GLB1: variants seen among roughly 807,000 people sequenced by gnomAD.
GLB1 encodes the protein beta-galactosidase.
Under a neutral mutation model 74.0 loss-of-function variants are expected in GLB1, and 56 were observed. That is an observed-to-expected ratio of 0.76 (90% CI 0.61 to 0.94). GLB1 has a LOEUF of 0.94. GLB1 is among the 40% of genes least tolerant of loss of function. The pLI, the probability that GLB1 is intolerant of heterozygous loss-of-function variation, is 0.00. For synonymous variants in GLB1, 323 were observed against 323.6 expected, an observed-to-expected ratio of 1.00 and a Z score of 0.02; for missense variants, 787 against 845.5, an observed-to-expected ratio of 0.93 and a Z score of 0.86.
the GLB1 span, among the ~76,000 whole-genome samples, chr3:32,985,962 T>A: frequency 6.6e-6 from 1 of 152,176 alleles, no homozygotes; most frequent in African/African-American, 2.4e-5. Context: ...TCCAGCTGCA[T>A]TTTCCTCCCA....
the GLB1 span, among the ~76,000 whole-genome samples, chr3:32,978,419 G>T: frequency 6.6e-6 from 1 of 152,020 alleles, no homozygotes; most frequent in Non-Finnish European, 1.5e-5. Flanking sequence ...TGTTTCAATT[G>T]TTGAAGAGGG....
intron 10 of GLB1, among the ~76,000 whole-genome samples, chr3:33,036,306 A>G (rs972525185): frequency 1.3e-5 from 2 of 152,170 alleles, no homozygotes; most frequent in African/African-American, 2.4e-5. Context: ...AGTTTCAGGG[A>G]TAGGGGATGG....
At chr3:33,042,370 C>CTTTTTTT (rs66685286) in intron 10 of GLB1, among the ~76,000 whole-genome samples, 25,558 of 98,604 alleles carry the variant, frequency 0.26, 4,931 homozygotes, top group Middle Eastern at 0.32. Flanking sequence ...TCATCTCCTC[C>CTTTTTTT]TTTTTTTTTT....
the GLB1 span, among the ~76,000 whole-genome samples, chr3:32,980,598 T>C: frequency 1.0e-3 from 158 of 152,174 alleles, no homozygotes; most frequent in African/African-American, 3.3e-3. Flanking sequence ...CTGGCCAGCA[T>C]GGTGAACCCC....
chr3:33,022,564 A>ATTTTTTTTTTTTTTTTTTTT lies in GLB1; in HGVS notation c.1144-910_1144-909insAAAAAAAAAAAAAAAAAAAA, dbSNP rs61013692. On this transcript the variant is annotated intron_variant, in intron 11 of 15. Coordinates refer to ENST00000307363, the MANE Select transcript of GLB1 (RefSeq NM_000404.4). ...TTCCATGACTATAATACTGGTTAGG[A>ATTTTTTTTTTTTTTTTTTTT]TTTTTTTTTTTTTTTTTTTGAGAGA... Among the ~76,000 whole-genome samples, 465 of 63,754 alleles carry ATTTTTTTTTTTTTTTTTTTT rather than the reference A, an allele frequency of 7.3e-3. 166 individuals are homozygous for ATTTTTTTTTTTTTTTTTTTT. The highest frequency in any genetic ancestry group is 0.056 in the Middle Eastern group (3 of 54). 41.8% of individuals were successfully genotyped at this position (63,754 alleles called of 152,430 possible). A position where few individuals can be genotyped will look rare whatever the true frequency, so the allele number is the denominator to read the frequency against.
At chr3:33,044,952 T>A (rs1698682638) in intron 10 of GLB1, among the ~76,000 whole-genome samples, 1 of 152,194 alleles carries the variant, frequency 6.6e-6, no homozygotes, top group South Asian at 2.1e-4. Flanking sequence ...GAAACAGCAA[T>A]CACTTGCTCC....
In GLB1 at chr3:33,018,285, C is replaced by CAAAAAAAAAAAAA. The variant is rs57833238; in HGVS notation, c.1347+150_1347+162dup. ...TGGGCAACAGAGCAAAACCCTGTCT[C>CAAAAAAAAAAAAA]AAAAAAAAAAAAAAAAAAAAAAAAA... is the stretch of plus-strand genomic sequence containing the variant. On this transcript the variant is annotated intron_variant, in intron 13 of 15. Coordinates refer to ENST00000307363, the MANE Select transcript of GLB1 (RefSeq NM_000404.4). Among the ~76,000 whole-genome samples, 11 of 41,992 alleles carry CAAAAAAAAAAAAA rather than the reference C, an allele frequency of 2.6e-4. 1 individual carries two copies. Among genetic ancestry groups the CAAAAAAAAAAAAA allele is most frequent in the Admixed American group, 3.8e-4 (1 of 2,624 alleles). 27.5% of individuals were successfully genotyped at this position (41,992 alleles called of 152,430 possible).
chr3:33,073,473 A>G (rs1430499762), intron 1 of GLB1, among the ~76,000 whole-genome samples: 1 of 152,190 alleles, frequency 6.6e-6, no homozygotes, highest in African/African-American at 2.4e-5. Flanking sequence ...GGATCACCTG[A>G]GGTCAGGAGT....
intron 10 of GLB1, among the ~76,000 whole-genome samples, chr3:33,032,018 G>C (rs1462404029): frequency 6.6e-6 from 1 of 151,920 alleles, no homozygotes; most frequent in African/African-American, 2.4e-5. Flanking sequence ...GGCTGGTCTC[G>C]AACTCCTGAC....
At chr3:32,969,841 A>G in the GLB1 span, among the ~76,000 whole-genome samples, 1 of 152,228 alleles carries the variant, frequency 6.6e-6, no homozygotes, top group Non-Finnish European at 1.5e-5. Context: ...GCCGTTTGTA[A>G]ACAAACAGTG....
the GLB1 span, among the ~76,000 whole-genome samples, chr3:32,989,048 A>G: frequency 6.6e-6 from 1 of 152,072 alleles, no homozygotes; most frequent in Admixed American, 6.5e-5. Flanking sequence ...ACTACAAATA[A>G]ACTCTTCAGA....
intron 5 of GLB1, 141 bp from the exon 6 acceptor site, chr3:33,058,410 A>G (rs1171371088): frequency 8.5e-7 from 1 of 1,181,710 alleles, no homozygotes; most frequent in Non-Finnish European, 1.2e-6. Context: ...CTTCACTCAG[A>G]CCTCAAAACT....
chr3:32,988,267 T>C, the GLB1 span, among the ~76,000 whole-genome samples: 1 of 144,676 alleles, frequency 6.9e-6, no homozygotes, highest in African/African-American at 2.6e-5. Context: ...CTCACTGAAA[T>C]GAAGAAGGGG....
chr3:33,054,922 C>T (rs1346037111), intron 6 of GLB1, among the ~76,000 whole-genome samples: 1 of 152,244 alleles, frequency 6.6e-6, no homozygotes, highest in Non-Finnish European at 1.5e-5. Context: ...CCAGTTCCCA[C>T]AGCAGGTATC....
chr3:33,094,269 C>G, intron 1 of GLB1: 2 of 1,521,428 alleles, frequency 1.3e-6, no homozygotes, highest in Non-Finnish European at 1.8e-6. Context: ...TTAGAAAGGA[C>G]AGTGGCCAAG....
At chr3:33,021,396 G>A (rs1364464318) in intron 12 of GLB1, 170 bp downstream of exon 12, 8 of 761,288 alleles carry the variant, frequency 1.1e-5, no homozygotes, top group African/African-American at 1.7e-5. Flanking sequence ...AGCCCACCAC[G>A]CAGCACTTCA....
At chr3:33,061,256 C>CA (rs11348689) in intron 5 of GLB1, among the ~76,000 whole-genome samples, 6 of 151,792 alleles carry the variant, frequency 4.0e-5, no homozygotes, top group African/African-American at 7.3e-5. Flanking sequence ...ACTAAAAATA[C>CA]AAAAAAAATT....
chr3:33,018,462 C>G lies in GLB1; in HGVS notation c.1333G>C (p.Val445Leu). The change falls in exon 13 of 16, where the codon GTT (valine) becomes CTT (leucine). Residue 445 changes from valine (V) to leucine (L), a missense_variant. Transcript: ENST00000307363. Reference protein sequence around the residue: ...PLNGVHDRAYVAVDGIPQGVL... With the variant: ...PLNGVHDRAYLAVDGIPQGVL... ...ACGATTCTTACCCCATCCACAGCAA[C>G]ATATGCTCGATCGTGGACTCCATTG... 6.2e-7 allele frequency: 1 copy of G among 1,614,090 alleles called. No individual in the cohort carries two copies. Among genetic ancestry groups the G allele is most frequent in the Non-Finnish European group, 8.5e-7 (1 of 1,180,028 alleles).
At chr3:32,970,944 T>C in the GLB1 span, among the ~76,000 whole-genome samples, 1 of 152,232 alleles carries the variant, frequency 6.6e-6, no homozygotes, top group Non-Finnish European at 1.5e-5. Context: ...ATAAAGGGCC[T>C]ATTTCCTTGT....
Sources: allele counts gnomAD v4.1 joint callset (sites outside exome capture counted in the v4.1 genomes callset), GRCh38; gene constraint gnomAD v4.1.1; transcripts MANE v1.5; gene names NCBI Gene and HGNC (gene_info 2026-07-23, HGNC 2026-07-21).